Variants in ADAMTS17 observed in about 807,000 individuals in gnomAD.
ADAMTS17 encodes A disintegrin and metalloproteinase with thrombospondin motifs 17.
In ADAMTS17, 113 loss-of-function variants were observed where a neutral mutation model predicts 141.5. That is an observed-to-expected ratio of 0.80 (90% CI 0.69 to 0.93). The LOEUF (loss-of-function observed/expected upper bound fraction) is 0.93, where lower values mean the gene tolerates loss of function less well. Ranked by LOEUF, ADAMTS17 falls within the 40% of genes least tolerant of loss-of-function variation. The pLI is 0.00. For missense variants in ADAMTS17, 1,659 were observed against 1,517.9 expected, an observed-to-expected ratio of 1.09 and a Z score of -1.54; for synonymous variants, 768 against 630.6, an observed-to-expected ratio of 1.22 and a Z score of -3.27.
chr15:100,281,813 A>G (rs7497112), intron 3 of ADAMTS17, among the ~76,000 whole-genome samples: 63,003 of 152,068 alleles, frequency 0.41, 13,712 homozygotes, highest in South Asian at 0.58. Flanking sequence ...GAAGCTGGGC[A>G]GAGGGGACAG....
chr15:100,139,560 C>T (rs1386920049), intron 10 of ADAMTS17, among the ~76,000 whole-genome samples: 1 of 152,194 alleles, frequency 6.6e-6, no homozygotes. Flanking sequence ...GAAACGGCTA[C>T]AGAAAAACTC....
At chr15:100,145,633 T>C (rs2038864830) in intron 10 of ADAMTS17, among the ~76,000 whole-genome samples, 1 of 152,180 alleles carries the variant, frequency 6.6e-6, no homozygotes, top group South Asian at 2.1e-4. Context: ...ATTGAACATG[T>C]CAAGAACCCT....
At chr15:99,978,141 AG>A (rs1217372956) in intron 20 of ADAMTS17, among the ~76,000 whole-genome samples, 4 of 152,130 alleles carry the variant, frequency 2.6e-5, no homozygotes, top group Non-Finnish European at 5.9e-5. Flanking sequence ...TGCTGGAGAA[AG>A]GACCTTCCTG....
intron 6 of ADAMTS17, 97 bp from the exon 7 acceptor site, chr15:100,254,276 G>A: frequency 8.7e-7 from 1 of 1,153,838 alleles, no homozygotes; most frequent in South Asian, 1.3e-5. Context: ...ATCCTGCAAT[G>A]TTATTTTTCC....
At chr15:100,213,147 C>T (rs1340517708) in intron 7 of ADAMTS17, among the ~76,000 whole-genome samples, 1 of 152,060 alleles carries the variant, frequency 6.6e-6, no homozygotes, top group Admixed American at 6.6e-5. Flanking sequence ...TACCTGTTCC[C>T]TGGTCCCAAC....
chr15:100,121,355 C>A (rs142851928), intron 12 of ADAMTS17, among the ~76,000 whole-genome samples: 110 of 152,160 alleles, frequency 7.2e-4, no homozygotes, highest in African/African-American at 2.6e-3. Flanking sequence ...CCAAGAAGCT[C>A]GAGAAATTCC....
chr15:100,073,096 G>C (rs902062870), intron 15 of ADAMTS17, among the ~76,000 whole-genome samples: 2 of 152,138 alleles, frequency 1.3e-5, no homozygotes, highest in African/African-American at 4.8e-5. Flanking sequence ...TCAAAAAGTG[G>C]GCAAAGGATA....
intron 14 of ADAMTS17, among the ~76,000 whole-genome samples, chr15:100,100,020 C>G (rs2035998503): frequency 2.0e-5 from 3 of 152,256 alleles, no homozygotes; most frequent in African/African-American, 7.2e-5. Flanking sequence ...CCAGCCTCAT[C>G]TTTCACCTCC....
intron 7 of ADAMTS17, among the ~76,000 whole-genome samples, chr15:100,249,894 C>A (rs1379673368): frequency 6.6e-6 from 1 of 152,134 alleles, no homozygotes; most frequent in East Asian, 1.9e-4. Context: ...CCTGGGGGGA[C>A]TACTGAGGGT....
At chr15:100,199,931 C>A (rs546157067) in intron 7 of ADAMTS17, among the ~76,000 whole-genome samples, 4 of 152,358 alleles carry the variant, frequency 2.6e-5, no homozygotes, top group South Asian at 4.1e-4. Flanking sequence ...CCTCACAATG[C>A]GCATCCCGGG....
intron 3 of ADAMTS17, among the ~76,000 whole-genome samples, chr15:100,299,299 T>A (rs1413210509): frequency 6.6e-6 from 1 of 151,464 alleles, no homozygotes; most frequent in Non-Finnish European, 1.5e-5. Context: ...AGGGTGTGTG[T>A]GTGTGTAACC....
At chr15:100,245,403 C>T (rs192620794) in intron 7 of ADAMTS17, among the ~76,000 whole-genome samples, 69 of 152,368 alleles carry the variant, frequency 4.5e-4, no homozygotes, top group African/African-American at 1.5e-3. Flanking sequence ...AGCTGCTTTG[C>T]TTGCTCAGCC....
In ADAMTS17 at chr15:99,974,493, A is replaced by C. The variant is rs1193620090; in HGVS notation, c.3197T>G (p.Leu1066Arg). 3 of 1,614,106 alleles carry C rather than the reference A, an allele frequency of 1.9e-6. No homozygotes were observed. The highest frequency in any genetic ancestry group is 2.5e-6 in the Non-Finnish European group (3 of 1,180,010). ...CTGGTACCACCGCATGTCCTGGCAG[A>C]GGTTCTTTTCTCGGATGACCCGGCA... ...VYCRVIREKNLCQDMRWYQRC... is the reference protein window; with the variant it reads ...VYCRVIREKNRCQDMRWYQRC... Residue 1066 changes from leucine to arginine, a missense_variant, in exon 22 of 22, where the codon CTC becomes CGC. By Grantham distance (102) the Leu-to-Arg change is moderately radical. Transcript: ENST00000268070.
chr15:100,119,947 A>C (rs1425502121), intron 12 of ADAMTS17, among the ~76,000 whole-genome samples: 2 of 152,170 alleles, frequency 1.3e-5, no homozygotes, highest in Non-Finnish European at 2.9e-5. Flanking sequence ...CACTAACCTT[A>C]TGAAATGGAG....
chr15:100,179,160 A>T (rs1199940091), intron 8 of ADAMTS17, among the ~76,000 whole-genome samples: 1 of 152,192 alleles, frequency 6.6e-6, no homozygotes, highest in Non-Finnish European at 1.5e-5. Flanking sequence ...ACCAAATACT[A>T]GGTCTTATTC....
At chr15:100,329,032 C>G (rs1567543398) in intron 3 of ADAMTS17, among the ~76,000 whole-genome samples, 1 of 152,108 alleles carries the variant, frequency 6.6e-6, no homozygotes, top group Non-Finnish European at 1.5e-5. Context: ...TCAGAACCAC[C>G]TGGGAGTCTT....
At chr15:100,108,848 G>C in intron 14 of ADAMTS17, 141 bp downstream of exon 14, 1 of 1,418,546 alleles carries the variant, frequency 7.0e-7, no homozygotes, top group Non-Finnish European at 9.8e-7. Context: ...CTGGCGGCAG[G>C]AGGCGGCATC....
Position 100,117,020 on chromosome 15 carries a change from GGAA to G in ADAMTS17, c.1722-10_1722-8del, listed in dbSNP as rs756859459. ...TGTGCCTCCAGGCCCAGGGCTAGAA[GGAA>G]GAAGAAGGTCTGTGTTAACCAGGTG... On this transcript the variant is annotated splice_region_variant and splice_polypyrimidine_tract_variant and intron_variant, in intron 12 of 21. Coordinates refer to ENST00000268070, the MANE Select transcript of ADAMTS17 (RefSeq NM_139057.4). The G allele has an allele frequency of 1.3e-5, 21 of 1,602,116 alleles. No homozygotes were observed. Among genetic ancestry groups the G allele is most frequent in the African/African-American group, 2.7e-5 (2 of 74,798 alleles).
chr15:100,131,256 A>C (rs2038025872), intron 12 of ADAMTS17, among the ~76,000 whole-genome samples: 1 of 151,894 alleles, frequency 6.6e-6, no homozygotes, highest in Non-Finnish European at 1.5e-5. Flanking sequence ...CATTAGGAGA[A>C]ATACCTAATG....
Sources: allele counts gnomAD v4.1 joint callset (sites outside exome capture counted in the v4.1 genomes callset), GRCh38; gene constraint gnomAD v4.1.1; transcripts MANE v1.5; gene names NCBI Gene and HGNC (gene_info 2026-07-23, HGNC 2026-07-21).